FOXP2: variants seen among roughly 807,000 people sequenced by gnomAD.
FOXP2 encodes forkhead box protein P2.
In FOXP2, 12 loss-of-function variants were observed where a neutral mutation model predicts 115.8. The observed-to-expected ratio is 0.10, with a 90% confidence interval of 0.07 to 0.17. The LOEUF is 0.17. Among genes scored for constraint, FOXP2 ranks in the 10% least tolerant of loss-of-function variants. The pLI is 1.00. For missense variants in FOXP2, 629 were observed against 843.5 expected (o/e 0.75, Z 3.15); for synonymous variants, 328 against 297.7 (o/e 1.10, Z -1.05).
chr7:114,525,253 C>T (rs750103084), intron 2 of FOXP2, among the ~76,000 whole-genome samples: 1 of 152,138 alleles, frequency 6.6e-6, no homozygotes, highest in East Asian at 1.9e-4. Flanking sequence ...TGGAGGAACC[C>T]GAATTCCAAA....
At chr7:114,676,268 T>G (rs569351134) in intron 16 of FOXP2, among the ~76,000 whole-genome samples, 2 of 151,930 alleles carry the variant, frequency 1.3e-5, no homozygotes, top group Non-Finnish European at 2.9e-5. Flanking sequence ...GTATTCCACG[T>G]AAGTTAAAGG....
At chr7:114,163,488 T>C (rs1792893115) in intron 1 of FOXP2, among the ~76,000 whole-genome samples, 1 of 152,096 alleles carries the variant, frequency 6.6e-6, no homozygotes, top group Non-Finnish European at 1.5e-5. Context: ...TTAATATGTC[T>C]GCTTGAATCT....
At chr7:114,223,037 C>G (rs1584556806) in intron 1 of FOXP2, among the ~76,000 whole-genome samples, 1 of 152,056 alleles carries the variant, frequency 6.6e-6, no homozygotes, top group East Asian at 1.9e-4. Flanking sequence ...TTTGTTGTTG[C>G]AGTTGCCAAC....
At chr7:114,534,776 C>A in intron 3 of FOXP2, 70 bp downstream of exon 3, 1 of 1,182,902 alleles carries the variant, frequency 8.5e-7, no homozygotes, top group Non-Finnish European at 1.3e-6. Flanking sequence ...GATGTGCAGA[C>A]CCACTTGTAT....
intron 1 of FOXP2, among the ~76,000 whole-genome samples, chr7:114,252,463 T>C (rs1413718775): frequency 6.6e-6 from 1 of 152,206 alleles, no homozygotes; most frequent in African/African-American, 2.4e-5. Context: ...ATTGCCTCAA[T>C]TTCAGTGCCT....
chr7:114,253,909 A>T (rs1795523587), intron 1 of FOXP2, among the ~76,000 whole-genome samples: 1 of 152,154 alleles, frequency 6.6e-6, no homozygotes, highest in Non-Finnish European at 1.5e-5. Context: ...ACAATTTGGC[A>T]TGTTTTTGCA....
chr7:114,370,067 A>G (rs1449467110), intron 2 of FOXP2, among the ~76,000 whole-genome samples: 1 of 152,244 alleles, frequency 6.6e-6, no homozygotes, highest in Non-Finnish European at 1.5e-5. Context: ...CTTGTTCAAA[A>G]TTTAAAGTAT....
At chr7:114,490,139 A>C (rs1285536599) in intron 2 of FOXP2, among the ~76,000 whole-genome samples, 1 of 152,194 alleles carries the variant, frequency 6.6e-6, no homozygotes, top group African/African-American at 2.4e-5. Context: ...AGTAGGGTTA[A>C]TTATAAATCC....
chr7:114,534,842 ATTCATTTTATC>A, intron 3 of FOXP2, 136 bp downstream of exon 3: 1 of 713,652 alleles, frequency 1.4e-6, no homozygotes, highest in Non-Finnish European at 2.5e-6. Context: ...CATAAAGAGA[ATTCATTTTATC>A]TTCTTAAAGG....
intron 2 of FOXP2, among the ~76,000 whole-genome samples, chr7:114,461,726 A>T: frequency 6.7e-6 from 1 of 149,050 alleles, no homozygotes. Context: ...TTTCTTCTTC[A>T]CTCCCTCCCT....
intron 1 of FOXP2, among the ~76,000 whole-genome samples, chr7:114,228,499 A>T (rs1794796552): frequency 1.3e-5 from 2 of 151,928 alleles, no homozygotes; most frequent in Admixed American, 1.3e-4. Flanking sequence ...GATTTTTAGG[A>T]ATGTTTGATT....
upstream of FOXP2, among the ~76,000 whole-genome samples, chr7:114,162,064 T>G (rs1017135461): frequency 6.6e-6 from 1 of 152,136 alleles, no homozygotes; most frequent in Admixed American, 6.6e-5. Context: ...ATTACAGGCG[T>G]GAGTCACCAT....
chr7:114,305,408 A>C (rs1184188643), intron 2 of FOXP2, among the ~76,000 whole-genome samples: 1 of 152,194 alleles, frequency 6.6e-6, no homozygotes, highest in East Asian at 1.9e-4. Flanking sequence ...AGTAAATTAA[A>C]TTATAGTGTT....
At chr7:114,289,702 CA>C (rs1030317798) in intron 2 of FOXP2, among the ~76,000 whole-genome samples, 1 of 151,844 alleles carries the variant, frequency 6.6e-6, no homozygotes, top group Non-Finnish European at 1.5e-5. Flanking sequence ...AGTTAGTCCT[CA>C]AACTGATTTT....
chr7:114,234,727 A>C (rs1287756575), intron 1 of FOXP2, among the ~76,000 whole-genome samples: 1 of 151,910 alleles, frequency 6.6e-6, no homozygotes, highest in African/African-American at 2.4e-5. Context: ...TATTCGTTCT[A>C]CTCTAATCTG....
At chr7:114,686,767 A>T (rs1423284943) in intron 16 of FOXP2, among the ~76,000 whole-genome samples, 2 of 152,154 alleles carry the variant, frequency 1.3e-5, no homozygotes, top group African/African-American at 4.8e-5. Flanking sequence ...TATCAAAGTT[A>T]TTAAAATATT....
At chr7:114,650,309 T>C (rs897968664) in intron 8 of FOXP2, among the ~76,000 whole-genome samples, 1 of 152,122 alleles carries the variant, frequency 6.6e-6, no homozygotes, top group Non-Finnish European at 1.5e-5. Context: ...TATGTTCTAC[T>C]TATCTTGCTT....
intron 1 of FOXP2, among the ~76,000 whole-genome samples, chr7:114,088,849 T>G (rs1799482245): frequency 6.6e-6 from 1 of 152,234 alleles, no homozygotes; most frequent in Non-Finnish European, 1.5e-5. Context: ...GATTTATTTG[T>G]ATCTATATTA....
At chr7:114,451,565 C>T (rs1164255632) in intron 2 of FOXP2, among the ~76,000 whole-genome samples, 2 of 152,086 alleles carry the variant, frequency 1.3e-5, no homozygotes, top group East Asian at 3.9e-4. Context: ...CTCATCCTTC[C>T]TTCACTTATT....
Sources: gnomAD v4.1 joint callset for allele counts (sites outside exome capture counted in the v4.1 genomes callset) on GRCh38, gnomAD v4.1.1 for gene constraint, MANE v1.5 for transcripts, NCBI Gene and HGNC (gene_info 2026-07-23, HGNC 2026-07-21) for gene names.